CHD6: variants seen among roughly 807,000 people sequenced by gnomAD.
The protein encoded by CHD6 is chromodomain helicase DNA binding protein 6, also known as ATP-dependent chromatin remodeler CHD6.
Under a neutral mutation model 276.9 loss-of-function variants are expected in CHD6, and 50 were observed. The ratio of observed to expected loss-of-function variants is 0.18; its 90% CI spans 0.14 to 0.23. The LOEUF is 0.23. CHD6 is among the 10% of genes least tolerant of loss of function. The pLI is 1.00. For missense variants in CHD6, 2,564 were observed against 3,365.8 expected, an observed-to-expected ratio of 0.76 and a Z score of 5.89; for synonymous variants, 1,173 against 1,229.3, an observed-to-expected ratio of 0.95 and a Z score of 0.96.
chr20:41,473,284 G>A lies in CHD6; in HGVS notation c.2664+38C>T, dbSNP rs1381788595. On this transcript the variant is annotated intron_variant, in intron 17 of 36. Transcript: ENST00000373233. This position sits in a 1 kb window ranked among gnomAD's most constrained non-coding sequence, Gnocchi z 4.1. The stretch of plus-strand genomic sequence containing the variant: ...CCCTATCATGATGTTCTGGGATCCA[G>A]GGCAGCTAAGGTAAACAGCAATCAT... The A allele has an allele frequency of 6.3e-7, 1 of 1,594,660 alleles. No homozygotes were observed. Among genetic ancestry groups the A allele is most frequent in the Non-Finnish European group, 8.6e-7 (1 of 1,166,202 alleles).
rs544660538 is a variant in CHD6 at position 41,588,986 on chromosome 20, G to A, written c.-24+29354C>T. Among the ~76,000 whole-genome samples, 278 of 152,102 alleles carry A rather than the reference G, an allele frequency of 1.8e-3. 2 individuals are homozygous for A. The highest frequency in any genetic ancestry group is 0.012 in the Admixed American group (183 of 15,264). ...ATCCTCAATAAAATACTGGCAAACC[G>A]AATCCAGCAGCACATCAAAAAGCTT... On this transcript the variant is annotated intron_variant, in intron 1 of 36. Coordinates refer to ENST00000373233, the MANE Select transcript of CHD6 (RefSeq NM_032221.5).
chr20:41,533,636 C>T, intron 2 of CHD6, 66 bp from the exon 3 acceptor site: 1 of 1,369,516 alleles, frequency 7.3e-7, no homozygotes, highest in Non-Finnish European at 9.9e-7. Flanking sequence ...GAGAGTTACC[C>T]AGTTTGAATA....
At chr20:41,416,163 T>C (rs553693404) in intron 33 of CHD6, among the ~76,000 whole-genome samples, 28 of 152,320 alleles carry the variant, frequency 1.8e-4, no homozygotes, top group African/African-American at 6.7e-4. Flanking sequence ...TCAGCTTCCA[T>C]TGTTAGAGCT....
chr20:41,436,316 C>A (rs948702264), intron 27 of CHD6, among the ~76,000 whole-genome samples: 14 of 152,174 alleles, frequency 9.2e-5, no homozygotes, highest in African/African-American at 3.4e-4. Context: ...GGTATTGCTA[C>A]ACACCTACCA....
At chr20:41,456,365 T>C (rs966798757) in intron 18 of CHD6, among the ~76,000 whole-genome samples, 2 of 151,804 alleles carry the variant, frequency 1.3e-5, no homozygotes, top group African/African-American at 4.8e-5. Flanking sequence ...AGAAGAACAA[T>C]GATTTATTCA....
At chr20:41,438,196 T>C (rs2047777436) in intron 26 of CHD6, among the ~76,000 whole-genome samples, 1 of 152,226 alleles carries the variant, frequency 6.6e-6, no homozygotes, top group African/African-American at 2.4e-5. Context: ...TTTCCCCTTG[T>C]TACCATCAGA....
chr20:41,433,921 C>T (rs1394105548), intron 27 of CHD6, among the ~76,000 whole-genome samples: 2 of 151,902 alleles, frequency 1.3e-5, no homozygotes, highest in Non-Finnish European at 2.9e-5. Flanking sequence ...ATATGAAACA[C>T]CTAGAAGCAT....
intron 24 of CHD6, among the ~76,000 whole-genome samples, chr20:41,446,153 A>C (rs1435527816): frequency 6.6e-6 from 1 of 152,174 alleles, no homozygotes; most frequent in Non-Finnish European, 1.5e-5. Context: ...CCAAGAGTTG[A>C]ATTCATACAT....
chr20:41,491,942 C>T (rs2043566153), intron 10 of CHD6, 123 bp from the exon 11 acceptor site: 1 of 1,034,478 alleles, frequency 9.7e-7, no homozygotes, highest in Admixed American at 1.9e-5. Flanking sequence ...ATAGTTATTA[C>T]CTTCTGAGTA....
intron 1 of CHD6, among the ~76,000 whole-genome samples, chr20:41,567,181 C>T (rs1038178410): frequency 6.6e-6 from 1 of 152,128 alleles, no homozygotes; most frequent in Non-Finnish European, 1.5e-5. Context: ...TGTGATGCGC[C>T]ATCAGGTCTG....
At chr20:41,514,396 G>C (rs1325209148) in intron 4 of CHD6, among the ~76,000 whole-genome samples, 4 of 152,148 alleles carry the variant, frequency 2.6e-5, no homozygotes, top group Admixed American at 1.3e-4. Flanking sequence ...CTTACTTGTT[G>C]GCATAATGGA....
intron 8 of CHD6, chr20:41,497,110 T>C (rs1298210590): frequency 1.1e-5 from 4 of 354,616 alleles, no homozygotes; most frequent in African/African-American, 8.2e-5. Context: ...AAGAATTGTG[T>C]GCGTATTCCT....
chr20:41,451,585 T>C (rs2048241817), intron 22 of CHD6, among the ~76,000 whole-genome samples: 1 of 152,176 alleles, frequency 6.6e-6, no homozygotes, highest in Admixed American at 6.5e-5. Context: ...CTCAGGTTAG[T>C]GGGCAGGACC....
At chr20:41,462,296 ACT>A (rs2042820633) in intron 17 of CHD6, among the ~76,000 whole-genome samples, 1 of 152,240 alleles carries the variant, frequency 6.6e-6, no homozygotes, top group Non-Finnish European at 1.5e-5. Context: ...CAATATCAGT[ACT>A]CATTTGATTT....
chr20:41,551,764 T>C (rs2045150354), intron 1 of CHD6, among the ~76,000 whole-genome samples: 1 of 151,960 alleles, frequency 6.6e-6, no homozygotes, highest in Non-Finnish European at 1.5e-5. Flanking sequence ...AATGGAAAAA[T>C]CAAGAAAGAG....
intron 27 of CHD6, among the ~76,000 whole-genome samples, chr20:41,436,151 G>C (rs560459092): frequency 6.6e-6 from 1 of 152,128 alleles, no homozygotes; most frequent in Admixed American, 6.5e-5. Flanking sequence ...AATATATACA[G>C]AACTCTAGAA....
intron 3 of CHD6, among the ~76,000 whole-genome samples, chr20:41,527,842 T>C (rs1207432942): frequency 6.6e-6 from 1 of 152,208 alleles, no homozygotes; most frequent in African/African-American, 2.4e-5. Context: ...CAGGTGGCTC[T>C]GGACTCATGA....
chr20:41,594,312 T>C (rs1189671308), intron 1 of CHD6, among the ~76,000 whole-genome samples: 2 of 152,226 alleles, frequency 1.3e-5, no homozygotes, highest in African/African-American at 2.4e-5. Flanking sequence ...GTCAAACTTA[T>C]ATGACAATGT....
At chr20:41,578,947 T>C (rs564877599) in intron 1 of CHD6, among the ~76,000 whole-genome samples, 7 of 147,924 alleles carry the variant, frequency 4.7e-5, no homozygotes, top group Non-Finnish European at 7.5e-5. Flanking sequence ...CTGGCTAACA[T>C]GGTGAAACCC....
Sources: allele counts gnomAD v4.1 joint callset (sites outside exome capture counted in the v4.1 genomes callset), GRCh38; gene constraint gnomAD v4.1.1; non-coding constraint Gnocchi (gnomAD v3.1); transcripts MANE v1.5; gene names NCBI Gene and HGNC (gene_info 2026-07-23, HGNC 2026-07-21).